The following KCNQ3 variants were observed in gnomAD, a reference collection of about 807,000 sequenced individuals.
KCNQ3 encodes potassium voltage-gated channel subfamily Q member 3.
A neutral mutation model predicts 92.5 loss-of-function variants in KCNQ3; 30 were observed. The observed-to-expected ratio is 0.32, with a 90% CI of 0.24 to 0.44. The LOEUF is 0.44. Among genes scored for constraint, KCNQ3 ranks in the 20% least tolerant of loss-of-function variants. KCNQ3 has a pLI of 1.00. For synonymous variants in KCNQ3, 450 were observed against 468.8 expected (o/e 0.96, Z 0.52); for missense variants, 913 against 1,140.3 (o/e 0.80, Z 2.87).
In KCNQ3 at chr8:132,372,483, C is replaced by A. The variant is rs1027874799; in HGVS notation, c.386+107664G>T. Among the ~76,000 whole-genome samples the A allele has an allele frequency of 9.2e-5, 14 of 152,240 alleles. No individual in the cohort carries two copies. In the East Asian group the frequency reaches 2.7e-3, roughly 29 times the overall value. Reference sequence around the variant, plus strand: ...CAGAAAAGTGCTTAGAGGCCGGGCGCAGTGGCTCACACCTGTAATCCCAGC... The same window carrying A: ...CAGAAAAGTGCTTAGAGGCCGGGCGAAGTGGCTCACACCTGTAATCCCAGC... On this transcript the variant is annotated intron_variant, in intron 1 of 14. Coordinates refer to ENST00000388996, the MANE Select transcript of KCNQ3 (RefSeq NM_004519.4).
At chr8:132,295,639 C>T (rs1454787330) in intron 1 of KCNQ3, among the ~76,000 whole-genome samples, 2 of 152,122 alleles carry the variant, frequency 1.3e-5, no homozygotes, top group Non-Finnish European at 2.9e-5. Flanking sequence ...AGCCCAAATG[C>T]CCAGCAATGA....
At position 132,341,235 on chromosome 8, in the gene KCNQ3, G is replaced by A. The variant is rs559445062; in HGVS notation, c.386+138912C>T. Reference sequence around the variant, plus strand: ...TTCAGCATTAGTGCGTGACTACCTCGCAGGCAGGAGTCATTCACAAACCTC... The same window carrying A: ...TTCAGCATTAGTGCGTGACTACCTCACAGGCAGGAGTCATTCACAAACCTC... On this transcript the variant is annotated intron_variant, in intron 1 of 14. Coordinates refer to ENST00000388996, the MANE Select transcript of KCNQ3 (RefSeq NM_004519.4). Among the ~76,000 whole-genome samples, 19 of 152,296 alleles carry A rather than the reference G, an allele frequency of 1.2e-4. No individual in the cohort carries two copies. The South Asian group carries it at 3.3e-3, about 27-fold the overall frequency.
chr8:132,187,792 G>A lies in KCNQ3; in HGVS notation c.387-1611C>T, dbSNP rs1209726169. Among the ~76,000 whole-genome samples the A allele has an allele frequency of 1.3e-3, 196 of 147,230 alleles. 7 individuals are homozygous for A. Among genetic ancestry groups the A allele is most frequent in the Admixed American group, 1.8e-3 (27 of 14,770 alleles). On this transcript the variant is annotated intron_variant, in intron 1 of 14. Coordinates refer to ENST00000388996, the MANE Select transcript of KCNQ3 (RefSeq NM_004519.4). ...GGTAGTGATAGTGATGGTGGTGGCG[G>A]TGGTGGTGATAGTGATGGTGGTGGT...
chr8:132,215,276 C>T (rs1813992820), intron 1 of KCNQ3, among the ~76,000 whole-genome samples: 1 of 152,124 alleles, frequency 6.6e-6, no homozygotes, highest in African/African-American at 2.4e-5. Flanking sequence ...CATGGGTGCC[C>T]TGAGATTATG....
At chr8:132,464,993 T>C (rs1421891394) in intron 1 of KCNQ3, among the ~76,000 whole-genome samples, 2 of 152,202 alleles carry the variant, frequency 1.3e-5, no homozygotes, top group East Asian at 3.8e-4. Context: ...TTCCAAGAAA[T>C]GTTTTCCCAG....
At chr8:132,323,443 G>A (rs1817951290) in intron 1 of KCNQ3, among the ~76,000 whole-genome samples, 1 of 152,146 alleles carries the variant, frequency 6.6e-6, no homozygotes, top group Non-Finnish European at 1.5e-5. Flanking sequence ...CAGGTTATAT[G>A]CGGCCCACAA....
At chr8:132,263,190 C>G (rs1815850604) in intron 1 of KCNQ3, among the ~76,000 whole-genome samples, 1 of 152,194 alleles carries the variant, frequency 6.6e-6, no homozygotes, top group Non-Finnish European at 1.5e-5. Context: ...TGTCTGATTG[C>G]AGAAGACCAC....
Position 132,480,552 on chromosome 8 carries a change from C to G in KCNQ3, c.-20G>C, listed in dbSNP as rs1450033799. The G allele has an allele frequency of 1.6e-6, 2 of 1,257,674 alleles. No homozygotes were observed. Among genetic ancestry groups the G allele is most frequent in the South Asian group, 3.1e-5 (2 of 64,648 alleles). 77.9% of individuals were successfully genotyped at this position (1,257,674 alleles called of 1,614,324 possible). On this transcript the variant is annotated 5_prime_UTR_variant, in exon 1 of 15. Transcript: ENST00000388996. ...CCCCATCTGCCTCGCCCCCGCCGGC[C>G]GCTTCGCCTTCTCCGCTGCTGCTCT...
intron 1 of KCNQ3, among the ~76,000 whole-genome samples, chr8:132,279,179 C>T (rs1563837840): frequency 6.6e-6 from 1 of 152,184 alleles, no homozygotes; most frequent in Non-Finnish European, 1.5e-5. Context: ...GATTGTGCCA[C>T]TGCACTCCAG....
rs201328910 is a variant in KCNQ3 at position 132,129,551 on chromosome 8, C to T, written c.2330G>A (p.Arg777Gln). The T allele has an allele frequency of 4.2e-4, 670 of 1,614,004 alleles. 1 individual carries two copies. The highest frequency in any genetic ancestry group is 4.4e-4 in the Non-Finnish European group (525 of 1,180,032). Residue 777 changes from arginine (R) to glutamine (Q), a missense_variant, in exon 15 of 15, where the codon CGG (arginine) becomes CAG (glutamine). Transcript: ENST00000388996. This position sits in a 1 kb window ranked among gnomAD's most constrained non-coding sequence, Gnocchi z 5.9. ...QGPYSDRISPRQRRSITRDSD... is the reference protein window; with the variant it reads ...QGPYSDRISPQQRRSITRDSD... ...GTCTCGCGTGATGCTACGTCTCTGC[C>T]GGGGGGAGATTCGGTCCGAGTAGGG... is the stretch of plus-strand genomic sequence containing the variant.
intron 1 of KCNQ3, among the ~76,000 whole-genome samples, chr8:132,285,346 A>G (rs1328204053): frequency 6.6e-6 from 1 of 152,228 alleles, no homozygotes; most frequent in Non-Finnish European, 1.5e-5. Context: ...TGGACAGTAA[A>G]GGCCATTTTT....
chr8:132,297,520 G>C (rs922929708), intron 1 of KCNQ3, among the ~76,000 whole-genome samples: 7 of 152,074 alleles, frequency 4.6e-5, no homozygotes, highest in Non-Finnish European at 1.0e-4. Flanking sequence ...GTTTAATGTG[G>C]CTTTTCCTAG....
At position 132,365,327 on chromosome 8, in the gene KCNQ3, C is replaced by A. The variant is rs146903496; in HGVS notation, c.386+114820G>T. ...ACTTGTGTGAGAGGCGTGTTAGACG[C>A]CTTATGTGGGTGAACTAATTTAATT... On this transcript the variant is annotated intron_variant, in intron 1 of 14. Coordinates refer to ENST00000388996, the MANE Select transcript of KCNQ3 (RefSeq NM_004519.4). Among the ~76,000 whole-genome samples, 282 of 152,322 alleles carry A rather than the reference C, an allele frequency of 1.9e-3. 1 individual carries two copies. Among genetic ancestry groups the A allele is most frequent in the African/African-American group, 6.5e-3 (270 of 41,574 alleles).
chr8:132,352,912 G>C (rs1818914873), intron 1 of KCNQ3, among the ~76,000 whole-genome samples: 1 of 152,154 alleles, frequency 6.6e-6, no homozygotes, highest in African/African-American at 2.4e-5. Flanking sequence ...GTCCCAGGAA[G>C]GCTGGTTTGG....
At chr8:132,138,096 G>A (rs1825165975) in intron 11 of KCNQ3, 80 bp from the exon 12 acceptor site, 3 of 1,508,696 alleles carry the variant, frequency 2.0e-6, no homozygotes, top group Non-Finnish European at 2.7e-6. Flanking sequence ...CAAACTCCAG[G>A]GCAGGGGGAG....
Position 132,217,710 on chromosome 8 carries a change from CA to C in KCNQ3, c.387-31530del, listed in dbSNP as rs1170925572. Among the ~76,000 whole-genome samples, 416 of 66,378 alleles carry C rather than the reference CA, an allele frequency of 6.3e-3. 3 individuals are homozygous for C. The East Asian group carries it at 0.063, about 10-fold the overall frequency. 43.5% of individuals were successfully genotyped at this position (66,378 alleles called of 152,430 possible). ...TGGGCGACAGAGTGAGGCTCTGTCT[CA>C]AAAAAAAAAAAAAAAAAAACAAAAC... On this transcript the variant is annotated intron_variant, in intron 1 of 14. Coordinates refer to ENST00000388996, the MANE Select transcript of KCNQ3 (RefSeq NM_004519.4).
intron 1 of KCNQ3, among the ~76,000 whole-genome samples, chr8:132,380,950 A>C (rs1172994239): frequency 6.9e-6 from 1 of 145,494 alleles, no homozygotes; most frequent in Non-Finnish European, 1.5e-5. Flanking sequence ...AAAAAAAAAA[A>C]ACAACCTTGG....
At chr8:132,352,101 G>A (rs1408337647) in intron 1 of KCNQ3, among the ~76,000 whole-genome samples, 2 of 152,080 alleles carry the variant, frequency 1.3e-5, no homozygotes, top group Non-Finnish European at 2.9e-5. Flanking sequence ...GCATTGTGAG[G>A]GTGGCACTGT....
At position 132,421,698 on chromosome 8, in the gene KCNQ3, C is replaced by T. The variant is rs185621564; in HGVS notation, c.386+58449G>A. On this transcript the variant is annotated intron_variant, in intron 1 of 14. Coordinates refer to ENST00000388996, the MANE Select transcript of KCNQ3 (RefSeq NM_004519.4). Reference sequence around the variant, plus strand: ...CAAAGGAAAATGAGGAACAAACCTCCGTAAGCAGGAACAAGTTGGAACATA... The same window carrying T: ...CAAAGGAAAATGAGGAACAAACCTCTGTAAGCAGGAACAAGTTGGAACATA... 4.9e-4 allele frequency among the ~76,000 whole-genome samples: 75 copies of T among 152,234 alleles called. 1 individual carries two copies. The highest frequency in any genetic ancestry group is 2.6e-3 in the Admixed American group (40 of 15,286).
Sources: gnomAD v4.1 joint callset for allele counts (sites outside exome capture counted in the v4.1 genomes callset) on GRCh38, gnomAD v4.1.1 for gene constraint, Gnocchi (gnomAD v3.1) non-coding constraint, MANE v1.5 for transcripts, NCBI Gene and HGNC (gene_info 2026-07-23, HGNC 2026-07-21) for gene names.